Variants in PRPF18 observed in about 807,000 individuals in gnomAD.
PRPF18 encodes pre-mRNA-splicing factor 18.
PRPF18 carries 38 observed loss-of-function variants against 46.5 expected under a neutral mutation model. The ratio of observed to expected loss-of-function variants is 0.82; its 90% confidence interval spans 0.63 to 1.07. The LOEUF (loss-of-function observed/expected upper bound fraction) is 1.07. Among genes scored for constraint, PRPF18 ranks in the 50% least tolerant of loss-of-function variants. The probability of loss-of-function intolerance (pLI) is 0.00; values close to 1 mark genes in which losing one functional copy is unlikely to be tolerated. For synonymous variants in PRPF18, 152 were observed against 146.7 expected, an observed-to-expected ratio of 1.04 and a Z score of -0.26; for missense variants, 263 against 410.0, an observed-to-expected ratio of 0.64 and a Z score of 3.10.
At position 13,598,258 on chromosome 10, in the gene PRPF18, C is replaced by T. The variant is rs115583754; in HGVS notation, c.144+723C>T. ...TAAAGGGTATAAGGTGGAGAAGTTACGTTTAAATTATTTTAAAAGAAGACT... is the reference window on the plus strand; with the variant it reads ...TAAAGGGTATAAGGTGGAGAAGTTATGTTTAAATTATTTTAAAAGAAGACT... On this transcript the variant is annotated intron_variant, in intron 2 of 9. Transcript: ENST00000378572. Among the ~76,000 whole-genome samples, 956 of 152,174 alleles carry T rather than the reference C, an allele frequency of 6.3e-3. 14 individuals are homozygous for T. Among genetic ancestry groups the T allele is most frequent in the African/African-American group, 0.021 (885 of 41,520 alleles).
chr10:13,637,849 T>C, the PRPF18 span: 1 of 152,250 alleles, frequency 6.6e-6, no homozygotes, highest in Non-Finnish European at 1.5e-5. Flanking sequence ...CACTTTTTTG[T>C]TAACTGTTGT....
chr10:13,625,625 A>C (rs1156331278), intron 9 of PRPF18, among the ~76,000 whole-genome samples: 1 of 152,230 alleles, frequency 6.6e-6, no homozygotes, highest in Non-Finnish European at 1.5e-5. Context: ...AAAAGAATTC[A>C]CTTAATACAG....
At chr10:13,633,324 T>C (rs1042606058), downstream of PRPF18, among the ~76,000 whole-genome samples, 4 of 152,214 alleles carry the variant, frequency 2.6e-5, no homozygotes, top group Non-Finnish European at 5.9e-5. Context: ...GATAGCAGTA[T>C]GACTTTTAAT....
At chr10:13,633,821 G>A (rs2080611559), downstream of PRPF18, among the ~76,000 whole-genome samples, 1 of 152,122 alleles carries the variant, frequency 6.6e-6, no homozygotes, top group East Asian at 1.9e-4. Flanking sequence ...GTCTTGAGCT[G>A]AAAAGTACTT....
intron 4 of PRPF18, among the ~76,000 whole-genome samples, chr10:13,606,553 G>A (rs2080187006): frequency 6.6e-6 from 1 of 152,078 alleles, no homozygotes; most frequent in Non-Finnish European, 1.5e-5. Flanking sequence ...TGGCCAACAT[G>A]GTGAAACCCC....
the PRPF18 span, chr10:13,652,049 C>T: frequency 6.4e-5 from 52 of 818,408 alleles, no homozygotes; most frequent in Admixed American, 5.3e-4. Context: ...GACACAGACA[C>T]GATTAGTAGC....
intron 6 of PRPF18, among the ~76,000 whole-genome samples, chr10:13,612,994 G>A (rs909623686): frequency 1.3e-5 from 2 of 152,132 alleles, no homozygotes; most frequent in Admixed American, 6.5e-5. Context: ...TTTTTCTTGT[G>A]TGTACAGTTT....
chr10:13,606,986 G>A (rs1350742774), intron 4 of PRPF18, among the ~76,000 whole-genome samples: 2 of 152,204 alleles, frequency 1.3e-5, no homozygotes, highest in African/African-American at 4.8e-5. Context: ...GTGTCTGGTA[G>A]TAGCTCTTTG....
chr10:13,632,348 C>T (rs962906668), downstream of PRPF18, among the ~76,000 whole-genome samples: 2 of 151,716 alleles, frequency 1.3e-5, no homozygotes, highest in African/African-American at 4.8e-5. Context: ...CCCCTCCCCC[C>T]CGCAAAAAAA....
intron 8 of PRPF18, among the ~76,000 whole-genome samples, chr10:13,616,090 G>C (rs903982968): frequency 1.3e-5 from 2 of 152,194 alleles, no homozygotes; most frequent in Non-Finnish European, 2.9e-5. Context: ...TGCCTACCTG[G>C]TAATTCCAGA....
the PRPF18 span, chr10:13,647,964 C>A: frequency 6.6e-6 from 1 of 152,054 alleles, no homozygotes; most frequent in Non-Finnish European, 1.5e-5. Flanking sequence ...CAGGAAGGGA[C>A]CCTAACCCAA....
the PRPF18 span, among the ~76,000 whole-genome samples, chr10:13,638,299 C>CTTTTTTTTT: frequency 1.6e-5 from 2 of 125,038 alleles, no homozygotes; most frequent in Non-Finnish European, 1.7e-5. Flanking sequence ...CTTGGCTTTT[C>CTTTTTTTTT]TTTTTTTTTT....
At chr10:13,654,711 A>C in the PRPF18 span, 1 of 573,342 alleles carries the variant, frequency 1.7e-6, no homozygotes, top group Non-Finnish European at 3.1e-6. Flanking sequence ...TGCCCCCCCA[A>C]CCTCTGCATC....
chr10:13,643,306 C>G, the PRPF18 span: 1 of 152,188 alleles, frequency 6.6e-6, no homozygotes. Flanking sequence ...CTTCATTGCT[C>G]CTGCCGTGGA....
intron 9 of PRPF18, among the ~76,000 whole-genome samples, chr10:13,620,041 A>G (rs1165145430): frequency 6.6e-6 from 1 of 152,092 alleles, no homozygotes; most frequent in Non-Finnish European, 1.5e-5. Flanking sequence ...TGATTTACTA[A>G]GCTGTCTAAA....
the PRPF18 span, among the ~76,000 whole-genome samples, chr10:13,648,456 G>A: frequency 3.3e-5 from 5 of 152,130 alleles, no homozygotes; most frequent in Non-Finnish European, 5.9e-5. Flanking sequence ...CGTGGTCCTG[G>A]TGGTGCTCTC....
downstream of PRPF18, among the ~76,000 whole-genome samples, chr10:13,633,677 T>C (rs929322622): frequency 2.0e-5 from 3 of 152,202 alleles, no homozygotes; most frequent in African/African-American, 7.2e-5. Context: ...GAGCTCTGCC[T>C]CTTTCCTTTG....
intron 1 of PRPF18, among the ~76,000 whole-genome samples, chr10:13,596,209 G>T (rs921519009): frequency 3.9e-5 from 6 of 152,132 alleles, no homozygotes; most frequent in African/African-American, 1.4e-4. Flanking sequence ...GGCTAGTTTT[G>T]TAAAATGTCT....
At chr10:13,610,642 T>A (rs1175699574) in intron 5 of PRPF18, among the ~76,000 whole-genome samples, 1 of 152,200 alleles carries the variant, frequency 6.6e-6, no homozygotes, top group Non-Finnish European at 1.5e-5. Flanking sequence ...CATTTGACTT[T>A]TTGTTCTCCG....
Sources: gnomAD v4.1 joint callset for allele counts (sites outside exome capture counted in the v4.1 genomes callset) on GRCh38, gnomAD v4.1.1 for gene constraint, MANE v1.5 for transcripts, NCBI Gene and HGNC (gene_info 2026-07-23, HGNC 2026-07-21) for gene names.